MAML3: variants seen among roughly 807,000 people sequenced by gnomAD.
MAML3 encodes the protein mastermind-like protein 3.
A neutral mutation model predicts 101.9 loss-of-function variants in MAML3; 27 were observed. The ratio of observed to expected loss-of-function variants is 0.27; its 90% CI spans 0.20 to 0.37. The LOEUF (loss-of-function observed/expected upper bound fraction) is 0.37. Ranked by LOEUF, MAML3 falls within the 10% of genes least tolerant of loss-of-function variation. MAML3 has a pLI of 1.00. For synonymous variants in MAML3, 501 were observed against 555.9 expected, an observed-to-expected ratio of 0.90 and a Z score of 1.39; for missense variants, 1,316 against 1,444.9, an observed-to-expected ratio of 0.91 and a Z score of 1.45.
rs569537340 is a variant in MAML3 at position 139,885,429 on chromosome 4, A to G, written c.2079+3928T>C. On this transcript the variant is annotated intron_variant, in intron 2 of 4. Transcript: ENST00000509479. ...TCAAAAAAAGAAAGAAAGAAAGAATAAATACAGTGATGGATGCCCTAAATA... is the reference window on the plus strand; with the variant it reads ...TCAAAAAAAGAAAGAAAGAAAGAATGAATACAGTGATGGATGCCCTAAATA... Among the ~76,000 whole-genome samples, 17 of 152,146 alleles carry G rather than the reference A, an allele frequency of 1.1e-4. No individual in the cohort carries two copies. In the East Asian group the frequency reaches 1.7e-3, roughly 16 times the overall value.
intron 1 of MAML3, among the ~76,000 whole-genome samples, chr4:140,018,889 C>T (rs1246997672): frequency 6.6e-6 from 1 of 151,732 alleles, no homozygotes; most frequent in Non-Finnish European, 1.5e-5. Flanking sequence ...GCAGTCATAA[C>T]TGACAATAAA....
intron 1 of MAML3, among the ~76,000 whole-genome samples, chr4:139,950,906 T>A (rs1450187107): frequency 6.6e-6 from 1 of 152,122 alleles, no homozygotes; most frequent in African/African-American, 2.4e-5. Flanking sequence ...GGCCATCGGG[T>A]TACTAAATGG....
At chr4:139,797,049 T>A (rs1157087491) in intron 2 of MAML3, among the ~76,000 whole-genome samples, 1 of 152,204 alleles carries the variant, frequency 6.6e-6, no homozygotes, top group African/African-American at 2.4e-5. Context: ...GATGTCAACA[T>A]GCCTGGCCAG....
chr4:140,120,038 C>A lies in MAML3; in HGVS notation c.468+32822G>T, dbSNP rs567682441. ...GGATCACGAGGTCAGGAGATCGAGA[C>A]CATCCTGGCTAACACGGTGAAACCC... On this transcript the variant is annotated intron_variant, in intron 1 of 4. Coordinates refer to ENST00000509479, the MANE Select transcript of MAML3 (RefSeq NM_018717.5). 7.9e-5 allele frequency among the ~76,000 whole-genome samples: 12 copies of A among 151,962 alleles called. No homozygotes were observed. In the East Asian group the frequency reaches 2.1e-3, roughly 27 times the overall value.
chr4:139,832,275 T>A (rs113060571), intron 2 of MAML3, among the ~76,000 whole-genome samples: 6,166 of 148,462 alleles, frequency 0.042, 358 homozygotes, highest in African/African-American at 0.14. Flanking sequence ...CAGCTATTTT[T>A]TTTTTTATTT....
In MAML3 at chr4:139,728,638, A is replaced by T. The variant is rs1728574427; in HGVS notation, c.2331+1778T>A. 2.0e-5 allele frequency among the ~76,000 whole-genome samples: 3 copies of T among 152,152 alleles called. No individual in the cohort carries two copies. In the South Asian group the frequency reaches 6.2e-4, roughly 32 times the overall value. On this transcript the variant is annotated intron_variant, in intron 3 of 4. Coordinates refer to ENST00000509479, the MANE Select transcript of MAML3 (RefSeq NM_018717.5). ...CTTTTGGTACACACAGTTGCTACGGAATGATCCACAGGTCACGGCTTCCCA... is the reference window on the plus strand; with the variant it reads ...CTTTTGGTACACACAGTTGCTACGGTATGATCCACAGGTCACGGCTTCCCA...
At chr4:140,152,776 C>A in intron 1 of MAML3, 84 bp downstream of exon 1, 1 of 1,545,142 alleles carries the variant, frequency 6.5e-7, no homozygotes, top group South Asian at 1.3e-5. Flanking sequence ...ACCCTTGTAC[C>A]CCCATGTAAG....
intron 2 of MAML3, among the ~76,000 whole-genome samples, chr4:139,851,347 A>T (rs188360489): frequency 6.4e-4 from 98 of 152,352 alleles, no homozygotes; most frequent in Middle Eastern, 3.4e-3. Flanking sequence ...TTCCTTCTTC[A>T]GGGCCTTTTA....
chr4:139,764,328 G>C (rs1013294193), intron 2 of MAML3, among the ~76,000 whole-genome samples: 1 of 152,200 alleles, frequency 6.6e-6, no homozygotes, highest in Non-Finnish European at 1.5e-5. Context: ...CGGCTGGAAA[G>C]GTCCCTACTT....
At chr4:140,040,534 C>CT (rs1727064695) in intron 1 of MAML3, among the ~76,000 whole-genome samples, 2 of 152,214 alleles carry the variant, frequency 1.3e-5, no homozygotes, top group Non-Finnish European at 2.9e-5. Flanking sequence ...TCCCTCCTTC[C>CT]TCTAGCCCTT....
chr4:139,848,436 G>A (rs1042239032), intron 2 of MAML3, among the ~76,000 whole-genome samples: 1 of 152,200 alleles, frequency 6.6e-6, no homozygotes, highest in Non-Finnish European at 1.5e-5. Flanking sequence ...ATGTTGAAAT[G>A]AGCAGAGTCC....
chr4:139,825,885 G>A (rs1375313618), intron 2 of MAML3, among the ~76,000 whole-genome samples: 4 of 152,170 alleles, frequency 2.6e-5, no homozygotes, highest in African/African-American at 9.7e-5. Context: ...AAGAGAGGAG[G>A]CATGGGTGTT....
chr4:140,083,308 G>T (rs1727893100), intron 1 of MAML3, among the ~76,000 whole-genome samples: 1 of 152,194 alleles, frequency 6.6e-6, no homozygotes, highest in African/African-American at 2.4e-5. Flanking sequence ...GGTGCTGGAA[G>T]AAAATGCCCA....
At chr4:139,780,435 C>G (rs1730178151) in intron 2 of MAML3, among the ~76,000 whole-genome samples, 1 of 152,160 alleles carries the variant, frequency 6.6e-6, no homozygotes, top group Non-Finnish European at 1.5e-5. Context: ...CAACCTCAAG[C>G]CAAGGAGAGA....
intron 1 of MAML3, among the ~76,000 whole-genome samples, chr4:139,918,684 A>C (rs900556904): frequency 1.3e-5 from 2 of 152,302 alleles, no homozygotes; most frequent in East Asian, 3.9e-4. Context: ...GTTGCTCACT[A>C]ATGTGTCTGT....
At chr4:140,077,546 T>C (rs1050682942) in intron 1 of MAML3, among the ~76,000 whole-genome samples, 21 of 152,190 alleles carry the variant, frequency 1.4e-4, no homozygotes, top group Non-Finnish European at 2.9e-5. Context: ...ACTAAACCAC[T>C]CCAAGCCTCA....
chr4:140,090,121 C>T (rs989595147), intron 1 of MAML3, among the ~76,000 whole-genome samples: 8 of 152,180 alleles, frequency 5.3e-5, no homozygotes, highest in South Asian at 2.1e-4. Flanking sequence ...GATTTACTGT[C>T]GCCATTTTAA....
At chr4:140,043,091 G>A (rs1041134903) in intron 1 of MAML3, among the ~76,000 whole-genome samples, 1 of 152,056 alleles carries the variant, frequency 6.6e-6, no homozygotes, top group African/African-American at 2.4e-5. Context: ...TTCAAATTCA[G>A]GACTGTTCCC....
chr4:140,091,828 A>AGCAACCTTCCTCTCTTCGAGGACT (rs1384365299), intron 1 of MAML3, among the ~76,000 whole-genome samples: 2 of 151,980 alleles, frequency 1.3e-5, no homozygotes, highest in African/African-American at 4.8e-5. Context: ...GACCCAGGCT[A>AGCAACCTTCCTCTCTTCGAGGACT]GCAACCTTCC....
Sources: gnomAD v4.1 joint callset for allele counts (sites outside exome capture counted in the v4.1 genomes callset) on GRCh38, gnomAD v4.1.1 for gene constraint, MANE v1.5 for transcripts, NCBI Gene and HGNC (gene_info 2026-07-23, HGNC 2026-07-21) for gene names.